The following ADAMTSL1 variants were observed in gnomAD, a reference collection of about 807,000 sequenced individuals.
ADAMTSL1 encodes ADAMTS-like protein 1.
Under a neutral mutation model 201.8 loss-of-function variants are expected in ADAMTSL1, and 126 were observed. The ratio of observed to expected loss-of-function variants is 0.62; its 90% CI spans 0.54 to 0.72. The LOEUF is 0.72. Ranked by LOEUF, ADAMTSL1 falls within the 30% of genes least tolerant of loss-of-function variation. The pLI is 0.00. For synonymous variants in ADAMTSL1, 1,121 were observed against 903.4 expected, an observed-to-expected ratio of 1.24 and a Z score of -4.32; for missense variants, 2,679 against 2,277.8, an observed-to-expected ratio of 1.18 and a Z score of -3.59.
intron 23 of ADAMTSL1, among the ~76,000 whole-genome samples, chr9:18,879,138 T>C (rs375511173): frequency 7.9e-5 from 12 of 152,198 alleles, no homozygotes; most frequent in African/African-American, 2.9e-4. Context: ...CACTTTGCCC[T>C]GGCACTTGGC....
chr9:18,675,725 T>G, intron 9 of ADAMTSL1, 132 bp from the exon 10 acceptor site: 1 of 779,956 alleles, frequency 1.3e-6, no homozygotes, highest in Non-Finnish European at 2.1e-6. Context: ...ACTGTTTTAG[T>G]GTTGTTTTAT....
chr9:17,931,908 G>T (rs2131320656), intron 1 of ADAMTSL1, among the ~76,000 whole-genome samples: 1 of 152,282 alleles, frequency 6.6e-6, no homozygotes, highest in East Asian at 1.9e-4. Context: ...CAACAAGATG[G>T]TGAATAATCA....
chr9:18,729,398 A>T (rs480814), intron 15 of ADAMTSL1, among the ~76,000 whole-genome samples: 38,692 of 152,202 alleles, frequency 0.25, 5,426 homozygotes, highest in Middle Eastern at 0.32. Context: ...AACTGGCTTT[A>T]ACTATAAAGA....
intron 1 of ADAMTSL1, among the ~76,000 whole-genome samples, chr9:18,090,231 C>CCT (rs1823948821): frequency 6.6e-6 from 1 of 152,118 alleles, no homozygotes; most frequent in African/African-American, 2.4e-5. Flanking sequence ...CCATGTGATT[C>CCT]AGGATTCCAC....
In ADAMTSL1 at chr9:18,721,638, C is replaced by T. The variant is rs762184822; in HGVS notation, c.1979C>T (p.Ser660Phe). The change falls in exon 15 of 29, where the codon TCC (serine) becomes TTC (phenylalanine). Residue 660 changes from serine (S) to phenylalanine (F), a missense_variant. Ser to Phe is a radical substitution (Grantham distance 155, BLOSUM62 -2). Transcript: ENST00000380548. ...CGCCGGCCCCCACAGCTCCTGAAGT[C>T]CTGCAATTTGGATCCCTGCCCAGCA... ...TSRRPPQLLK[S>F]CNLDPCPARW... 20 of 1,613,948 alleles carry T rather than the reference C, an allele frequency of 1.2e-5. No homozygotes were observed. The South Asian group carries it at 2.0e-4, about 16-fold the overall frequency.
intron 16 of ADAMTSL1, among the ~76,000 whole-genome samples, chr9:18,762,816 T>C (rs1820150770): frequency 6.6e-6 from 1 of 152,242 alleles, no homozygotes; most frequent in Non-Finnish European, 1.5e-5. Context: ...TCCATGTTGT[T>C]GCACATGACT....
At chr9:18,735,325 G>A (rs113285418) in intron 15 of ADAMTSL1, among the ~76,000 whole-genome samples, 3 of 152,182 alleles carry the variant, frequency 2.0e-5, no homozygotes, top group South Asian at 2.1e-4. Flanking sequence ...TCTGAGTTCC[G>A]TGAAACTAGG....
At chr9:17,928,678 G>A (rs1588430946) in intron 1 of ADAMTSL1, among the ~76,000 whole-genome samples, 1 of 152,310 alleles carries the variant, frequency 6.6e-6, no homozygotes, top group East Asian at 1.9e-4. Context: ...GGGAGGCTGA[G>A]GAGGGAGGAT....
At chr9:18,446,035 G>A (rs1820179400) in intron 2 of ADAMTSL1, among the ~76,000 whole-genome samples, 1 of 152,070 alleles carries the variant, frequency 6.6e-6, no homozygotes, top group Non-Finnish European at 1.5e-5. Flanking sequence ...ACCAGGAAGC[G>A]ATGGACCCAG....
At chr9:18,885,865 C>T (rs777669528) in intron 23 of ADAMTSL1, among the ~76,000 whole-genome samples, 21 of 152,060 alleles carry the variant, frequency 1.4e-4, no homozygotes, top group Non-Finnish European at 2.1e-4. Flanking sequence ...GAAGGCCTGC[C>T]GCACAATCTC....
chr9:18,264,227 A>G (rs892351357), intron 2 of ADAMTSL1, among the ~76,000 whole-genome samples: 1 of 152,124 alleles, frequency 6.6e-6, no homozygotes, highest in African/African-American at 2.4e-5. Flanking sequence ...TCCCTCAAAT[A>G]CCTTCAAATA....
At chr9:18,096,729 A>T (rs1000348765) in intron 1 of ADAMTSL1, among the ~76,000 whole-genome samples, 1 of 152,182 alleles carries the variant, frequency 6.6e-6, no homozygotes, top group Non-Finnish European at 1.5e-5. Context: ...TCACCATCCA[A>T]ATCATGAGTA....
At chr9:18,775,583 C>A (rs1418318870) in intron 17 of ADAMTSL1, among the ~76,000 whole-genome samples, 160 bp from the exon 18 acceptor site, 1 of 152,138 alleles carries the variant, frequency 6.6e-6, no homozygotes, top group Non-Finnish European at 1.5e-5. Flanking sequence ...ACAAGATGGG[C>A]AGGTCTTCCA....
chr9:17,922,075 T>C (rs35201481), intron 1 of ADAMTSL1, among the ~76,000 whole-genome samples: 11,858 of 130,198 alleles, frequency 0.091, 649 homozygotes, highest in South Asian at 0.24. Flanking sequence ...TAAGGTGTGA[T>C]TGCAGTTCAG....
At chr9:18,332,663 C>A (rs532403433) in intron 2 of ADAMTSL1, among the ~76,000 whole-genome samples, 1 of 152,230 alleles carries the variant, frequency 6.6e-6, no homozygotes, top group African/African-American at 2.4e-5. Context: ...TATGGACGTA[C>A]AGCATCAATA....
At chr9:18,439,720 A>G (rs1411730276) in intron 2 of ADAMTSL1, among the ~76,000 whole-genome samples, 6 of 152,232 alleles carry the variant, frequency 3.9e-5, no homozygotes, top group African/African-American at 1.4e-4. Flanking sequence ...TCACTGCTGT[A>G]TTCTCAGACT....
At chr9:17,998,355 G>A (rs995981134) in intron 1 of ADAMTSL1, among the ~76,000 whole-genome samples, 2 of 152,006 alleles carry the variant, frequency 1.3e-5, no homozygotes, top group African/African-American at 4.8e-5. Flanking sequence ...GATAAAGGGG[G>A]TTATGGGGCT....
chr9:18,178,152 C>T (rs1233524781), intron 2 of ADAMTSL1, among the ~76,000 whole-genome samples: 1 of 152,188 alleles, frequency 6.6e-6, no homozygotes, highest in Non-Finnish European at 1.5e-5. Flanking sequence ...ACAGTGGGCG[C>T]AGGTCAGTGG....
chr9:18,136,550 C>T (rs564307279), intron 1 of ADAMTSL1, among the ~76,000 whole-genome samples: 3 of 151,982 alleles, frequency 2.0e-5, no homozygotes, highest in East Asian at 3.9e-4. Context: ...AGAATCACAC[C>T]GCTATGGCAC....
Sources: gnomAD v4.1 joint callset for allele counts (sites outside exome capture counted in the v4.1 genomes callset) on GRCh38, gnomAD v4.1.1 for gene constraint, MANE v1.5 for transcripts, NCBI Gene and HGNC (gene_info 2026-07-23, HGNC 2026-07-21) for gene names.